GRIN2B: variants seen among roughly 807,000 people sequenced by gnomAD.
GRIN2B encodes glutamate ionotropic receptor NMDA type subunit 2B.
Under a neutral mutation model 114.5 loss-of-function variants are expected in GRIN2B, and 5 were observed. The observed-to-expected ratio is 0.04, with a 90% CI of 0.02 to 0.09. The LOEUF (loss-of-function observed/expected upper bound fraction) is 0.09, where lower values mean the gene tolerates loss of function less well. Among genes scored for constraint, GRIN2B ranks in the 10% least tolerant of loss-of-function variants. GRIN2B has a pLI of 1.00. For missense variants in GRIN2B, 1,108 were observed against 1,943.5 expected (o/e 0.57, Z 8.08); for synonymous variants, 787 against 745.1 (o/e 1.06, Z -0.92).
intron 3 of GRIN2B, among the ~76,000 whole-genome samples, chr12:13,808,443 C>T (rs997005340): frequency 5.3e-5 from 8 of 151,990 alleles, no homozygotes; most frequent in Non-Finnish European, 7.4e-5. Flanking sequence ...GCTCAGAATG[C>T]CTGAGAGGCC....
intron 4 of GRIN2B, among the ~76,000 whole-genome samples, chr12:13,687,773 G>A (rs565692683): frequency 1.3e-5 from 2 of 152,276 alleles, no homozygotes; most frequent in East Asian, 1.9e-4. Flanking sequence ...GGATTCCCAG[G>A]ATGAATCAAA....
At chr12:13,740,773 T>C (rs1029320581) in intron 4 of GRIN2B, among the ~76,000 whole-genome samples, 1 of 152,226 alleles carries the variant, frequency 6.6e-6, no homozygotes, top group Non-Finnish European at 1.5e-5. Flanking sequence ...TGTTGTTTTT[T>C]CCTCTATGGG....
chr12:13,712,837 AC>A (rs1213739282), intron 4 of GRIN2B, among the ~76,000 whole-genome samples: 1 of 151,814 alleles, frequency 6.6e-6, no homozygotes, highest in Non-Finnish European at 1.5e-5. Flanking sequence ...GTTTCTAGGT[AC>A]CCCCACATCT....
intron 4 of GRIN2B, among the ~76,000 whole-genome samples, chr12:13,728,154 A>C (rs893555982): frequency 1.2e-4 from 18 of 152,206 alleles, no homozygotes; most frequent in African/African-American, 4.3e-4. Flanking sequence ...TGGTTGAATA[A>C]TGAATGAATG....
At chr12:13,891,437 T>C (rs1866260976) in intron 2 of GRIN2B, among the ~76,000 whole-genome samples, 1 of 152,150 alleles carries the variant, frequency 6.6e-6, no homozygotes, top group African/African-American at 2.4e-5. Context: ...TAATGGTCAT[T>C]GTAAGGCATT....
At chr12:13,628,614 A>C (rs968174675) in intron 5 of GRIN2B, among the ~76,000 whole-genome samples, 8 of 152,246 alleles carry the variant, frequency 5.3e-5, no homozygotes, top group Non-Finnish European at 2.9e-5. Flanking sequence ...TTCTCAAGCA[A>C]ATTTCTTTGG....
At chr12:13,946,890 A>T (rs140800848) in intron 2 of GRIN2B, among the ~76,000 whole-genome samples, 19 of 152,312 alleles carry the variant, frequency 1.2e-4, no homozygotes, top group African/African-American at 4.3e-4. Flanking sequence ...TTCTCCTAAC[A>T]CAAATATTTC....
chr12:13,657,538 G>A (rs1233454465), intron 5 of GRIN2B, among the ~76,000 whole-genome samples: 1 of 152,152 alleles, frequency 6.6e-6, no homozygotes, highest in Admixed American at 6.5e-5. Flanking sequence ...ACACCTGTTG[G>A]TGTGCTCTTC....
chr12:13,626,244 C>G lies in GRIN2B; in HGVS notation c.1126-9587G>C, dbSNP rs149661901. ...GAACCACTCAAACAGACCACTCCCT[C>G]TAAATCAACTTCTTCCTGGACATGT... On this transcript the variant is annotated intron_variant, in intron 5 of 13. Transcript: ENST00000609686. 4.7e-3 allele frequency among the ~76,000 whole-genome samples: 715 copies of G among 152,310 alleles called. 3 individuals are homozygous for G. Among genetic ancestry groups the G allele is most frequent in the African/African-American group, 0.016 (654 of 41,566 alleles).
chr12:13,600,301 A>T (rs1191198673), intron 10 of GRIN2B, among the ~76,000 whole-genome samples: 1 of 151,982 alleles, frequency 6.6e-6, no homozygotes, highest in African/African-American at 2.4e-5. Flanking sequence ...AGATGAGTCT[A>T]CTAATATCAG....
chr12:13,941,008 C>T (rs911350020), intron 2 of GRIN2B, among the ~76,000 whole-genome samples: 2 of 151,910 alleles, frequency 1.3e-5, no homozygotes, highest in African/African-American at 4.8e-5. Context: ...TTTCACTAAC[C>T]ATTATTATTT....
intron 5 of GRIN2B, among the ~76,000 whole-genome samples, chr12:13,624,824 C>T (rs765056392): frequency 5.3e-4 from 80 of 152,198 alleles, no homozygotes; most frequent in African/African-American, 1.4e-3. Context: ...GCCCCCTCAG[C>T]GCTGTGTGTA....
intron 5 of GRIN2B, among the ~76,000 whole-genome samples, chr12:13,665,922 A>T (rs1463990808): frequency 6.6e-6 from 1 of 152,206 alleles, no homozygotes; most frequent in Non-Finnish European, 1.5e-5. Context: ...TTTACCTCAA[A>T]GGGAATATTC....
intron 2 of GRIN2B, among the ~76,000 whole-genome samples, chr12:13,920,732 T>G (rs1312185156): frequency 6.6e-6 from 1 of 152,178 alleles, no homozygotes; most frequent in Non-Finnish European, 1.5e-5. Context: ...GCCGGTGACA[T>G]CAGGCATCTC....
intron 2 of GRIN2B, among the ~76,000 whole-genome samples, chr12:13,917,144 C>G (rs966315698): frequency 2.0e-5 from 3 of 152,072 alleles, no homozygotes; most frequent in African/African-American, 7.2e-5. Flanking sequence ...TCCCTTGAGC[C>G]TCTTCCAAAT....
chr12:13,847,303 A>C (rs1292302827), intron 3 of GRIN2B, among the ~76,000 whole-genome samples: 1 of 152,182 alleles, frequency 6.6e-6, no homozygotes, highest in East Asian at 1.9e-4. Flanking sequence ...TGGATGGGGA[A>C]GGTGGCTGCT....
intron 3 of GRIN2B, among the ~76,000 whole-genome samples, chr12:13,854,231 G>A (rs1397218685): frequency 6.6e-6 from 1 of 152,142 alleles, no homozygotes; most frequent in Non-Finnish European, 1.5e-5. Flanking sequence ...CAAGAAGCAT[G>A]CCAGAAGCAG....
intron 3 of GRIN2B, among the ~76,000 whole-genome samples, chr12:13,848,016 T>C (rs1351732866): frequency 1.3e-5 from 2 of 152,138 alleles, no homozygotes; most frequent in African/African-American, 2.4e-5. Context: ...GACAGTCCCC[T>C]GCTCAGCTGA....
At chr12:13,948,230 T>C (rs903276792) in intron 2 of GRIN2B, among the ~76,000 whole-genome samples, 6 of 152,068 alleles carry the variant, frequency 3.9e-5, no homozygotes, top group African/African-American at 1.2e-4. Context: ...CTAAAGAAAG[T>C]CTCTGCCAGG....
Sources: gnomAD v4.1 joint callset for allele counts (sites outside exome capture counted in the v4.1 genomes callset) on GRCh38, gnomAD v4.1.1 for gene constraint, MANE v1.5 for transcripts, NCBI Gene and HGNC (gene_info 2026-07-23, HGNC 2026-07-21) for gene names.